PAX3: variants seen among roughly 807,000 people sequenced by gnomAD.
The protein encoded by PAX3 is paired box protein Pax-3.
Under a neutral mutation model 51.6 loss-of-function variants are expected in PAX3, and 14 were observed. The ratio of observed to expected loss-of-function variants is 0.27; its 90% confidence interval spans 0.18 to 0.42. PAX3 has a LOEUF of 0.42. Among genes scored for constraint, PAX3 ranks in the 10% least tolerant of loss-of-function variants. PAX3 has a pLI of 1.00. For missense variants in PAX3, 540 were observed against 642.8 expected (o/e 0.84, Z 1.73); for synonymous variants, 280 against 253.4 (o/e 1.11, Z -1.00).
chr2:222,225,986 A>C (rs1212555355), intron 5 of PAX3, among the ~76,000 whole-genome samples: 5 of 152,200 alleles, frequency 3.3e-5, no homozygotes, highest in African/African-American at 4.8e-5. Context: ...ATTTGCTTCC[A>C]AGTTTCATGG....
At chr2:222,209,298 T>A (rs2106048017) in intron 7 of PAX3, among the ~76,000 whole-genome samples, 1 of 152,298 alleles carries the variant, frequency 6.6e-6, no homozygotes, top group African/African-American at 2.4e-5. Flanking sequence ...ATGAAATGTC[T>A]GAAGACTACA....
At chr2:222,257,848 C>A (rs370826696) in intron 4 of PAX3, among the ~76,000 whole-genome samples, 1 of 152,228 alleles carries the variant, frequency 6.6e-6, no homozygotes, top group Non-Finnish European at 1.5e-5. Context: ...GTCACCCCCA[C>A]GCTGCTGACT....
At chr2:222,228,130 C>G (rs1692452823) in intron 5 of PAX3, among the ~76,000 whole-genome samples, 1 of 152,154 alleles carries the variant, frequency 6.6e-6, no homozygotes, top group Non-Finnish European at 1.5e-5. Context: ...CAGTGATTAA[C>G]TACTCCCTTC....
At chr2:222,243,272 T>C (rs1433999585) in intron 4 of PAX3, among the ~76,000 whole-genome samples, 1 of 152,182 alleles carries the variant, frequency 6.6e-6, no homozygotes, top group Non-Finnish European at 1.5e-5. Context: ...GACAAAGCAT[T>C]TACAAAATTG....
In PAX3 at chr2:222,249,892, A is replaced by G. The variant is rs183540172; in HGVS notation, c.587-17609T>C. Among the ~76,000 whole-genome samples, 15 of 152,250 alleles carry G rather than the reference A, an allele frequency of 9.9e-5. No individual in the cohort carries two copies. In the East Asian group the frequency reaches 2.7e-3, roughly 27 times the overall value. On this transcript the variant is annotated intron_variant, in intron 4 of 8. Transcript: ENST00000392070. ...CCAAATAGCAGGAACAATCAAGTCA[A>G]TCAATATTCATGCTTATAAGCTACC...
At position 222,201,305 on chromosome 2, in the gene PAX3, C is replaced by T. The variant is rs949381555; in HGVS notation, c.*103G>A. ...TATTGGGACCACTGCCCCACCCCCC[C>T]CAACAAAAGGGTAATTTTTTTTTGT... On this transcript the variant is annotated 3_prime_UTR_variant, in exon 9 of 9. Transcript: ENST00000392070. The T allele has an allele frequency of 5.0e-6, 8 of 1,613,014 alleles. No individual in the cohort carries two copies. The highest frequency in any genetic ancestry group is 5.1e-6 in the Non-Finnish European group (6 of 1,179,740).
Position 222,298,550 on chromosome 2 carries a change from A to G in PAX3, c.66T>C (p.Arg22=), listed in dbSNP as rs775889788. 6.2e-7 allele frequency: 1 copy of G among 1,606,038 alleles called. No homozygotes were observed. Among genetic ancestry groups the G allele is most frequent in the South Asian group, 1.1e-5 (1 of 89,682 alleles). Reference sequence around the variant, plus strand: ...CCTTACCTTCCAGCGGGAACCCGCTACGCGGGTAGTTCTGCCCCGGGCCCG... The same window carrying G: ...CCTTACCTTCCAGCGGGAACCCGCTGCGCGGGTAGTTCTGCCCCGGGCCCG... ...MRPGPGQNYP[R]SGFPLEVSTP... is the part of the protein sequence containing the mutation. Residue 22 remains arginine (R), a synonymous_variant, in exon 1 of 9, where the codon CGT becomes CGC. Transcript: ENST00000392070.
intron 4 of PAX3, among the ~76,000 whole-genome samples, chr2:222,238,611 G>T (rs1692887996): frequency 6.6e-6 from 1 of 152,174 alleles, no homozygotes; most frequent in African/African-American, 2.4e-5. Flanking sequence ...GAGGTGGAGG[G>T]ATCTCTGGAG....
intron 4 of PAX3, among the ~76,000 whole-genome samples, chr2:222,285,707 A>G (rs993766370): frequency 6.6e-6 from 1 of 152,226 alleles, no homozygotes; most frequent in Non-Finnish European, 1.5e-5. Context: ...CCAACCATTA[A>G]CACAAGACCA....
At chr2:222,273,864 C>G (rs980372713) in intron 4 of PAX3, among the ~76,000 whole-genome samples, 6 of 151,970 alleles carry the variant, frequency 3.9e-5, no homozygotes, top group Non-Finnish European at 7.4e-5. Context: ...ATGGCAAATT[C>G]GGTGCTGTAA....
chr2:222,224,415 T>G (rs140897296), intron 5 of PAX3, among the ~76,000 whole-genome samples: 1 of 152,312 alleles, frequency 6.6e-6, no homozygotes, highest in African/African-American at 2.4e-5. Flanking sequence ...AACCTGATTT[T>G]TTATCATCTT....
intron 4 of PAX3, among the ~76,000 whole-genome samples, chr2:222,283,570 A>G (rs1365437281): frequency 6.6e-6 from 1 of 152,196 alleles, no homozygotes; most frequent in Admixed American, 6.5e-5. Context: ...CAAGAGTGCA[A>G]TCTTCAGAAT....
Position 222,201,034 on chromosome 2 carries a change from TACACACACAC to T in PAX3, c.*364_*373del. The T allele has an allele frequency of 1.2e-6, 1 of 800,438 alleles. No homozygotes were observed. The allele number at this position is 800,438 out of a possible 1,614,324, so 49.6% of individuals were successfully genotyped here. ...CCAAACCAGTCTGGGTAAATCTCAA[TACACACACAC>T]ACACACACACGCACGCACGCACACA... On this transcript the variant is annotated 3_prime_UTR_variant, in exon 9 of 9. Coordinates refer to ENST00000392070, the MANE Select transcript of PAX3 (RefSeq NM_181458.4).
chr2:222,298,886 T>G lies in PAX3; in HGVS notation c.-271A>C. The G allele has an allele frequency of 1.8e-6, 1 of 544,622 alleles. No individual in the cohort carries two copies. The allele number at this position is 544,622 out of a possible 1,614,324, so 33.7% of individuals were successfully genotyped here. ...GTTTGGTACGAGTCTGGGCAAATGT[T>G]CCAGCGACTGGGGTCCCTGAAAAGG... is the stretch of plus-strand genomic sequence containing the variant. On this transcript the variant is annotated 5_prime_UTR_variant, in exon 1 of 9. Coordinates refer to ENST00000392070, the MANE Select transcript of PAX3 (RefSeq NM_181458.4).
At chr2:222,274,250 C>T (rs1487615625) in intron 4 of PAX3, among the ~76,000 whole-genome samples, 1 of 152,098 alleles carries the variant, frequency 6.6e-6, no homozygotes, top group Non-Finnish European at 1.5e-5. Flanking sequence ...TTTTGACAAA[C>T]TATATATTTG....
At chr2:222,289,999 C>A (rs1050176230) in intron 4 of PAX3, among the ~76,000 whole-genome samples, 21 of 152,268 alleles carry the variant, frequency 1.4e-4, no homozygotes, top group Admixed American at 1.3e-3. Flanking sequence ...ATGCCATAAA[C>A]CTATGATCTT....
Position 222,298,601 on chromosome 2 carries a change from G to A in PAX3, c.15C>T (p.Ala5=). 3.1e-6 allele frequency: 5 copies of A among 1,606,518 alleles called. No individual in the cohort carries two copies. The highest frequency in any genetic ancestry group is 2.2e-5 in the East Asian group (1 of 44,536). Residue 5 remains alanine, a synonymous_variant, in exon 1 of 9, where the codon GCC becomes GCT. Coordinates refer to ENST00000392070, the MANE Select transcript of PAX3 (RefSeq NM_181458.4). ...GCCGCATCATCCTGGGCACAGCGCC[G>A]GCCAGCGTGGTCATCCTGGGGGCAG... MTTL[A]GAVPRMMRPG...
intron 4 of PAX3, among the ~76,000 whole-genome samples, chr2:222,269,297 C>T (rs1045956925): frequency 1.3e-5 from 2 of 152,170 alleles, no homozygotes; most frequent in Non-Finnish European, 2.9e-5. Context: ...CCATCAGAGG[C>T]CCAGGTTCGT....
rs879255434 is a variant in PAX3 at position 222,220,345 on chromosome 2, T to C, written c.968A>G (p.Asp323Gly). 2 of 1,613,904 alleles carry C rather than the reference T, an allele frequency of 1.2e-6. No homozygotes were observed. Among genetic ancestry groups the C allele is most frequent in the Non-Finnish European group, 8.5e-7 (1 of 1,179,824 alleles). ...QPTSIPQAVS[D>G]PSSTVHRPQP... ...AGGTCTGTGAACGGTGCTGCTGGGA[T>C]CTGACACAGCTGAAATGAAAAAGAT... The change falls in exon 7 of 9, where the codon GAT (aspartate) becomes GGT (glycine). Residue 323 changes from aspartate (D) to glycine (G), a missense_variant. Coordinates refer to ENST00000392070, the MANE Select transcript of PAX3 (RefSeq NM_181458.4).
Sources: gnomAD v4.1 joint callset for allele counts (sites outside exome capture counted in the v4.1 genomes callset) on GRCh38, gnomAD v4.1.1 for gene constraint, MANE v1.5 for transcripts, NCBI Gene and HGNC (gene_info 2026-07-23, HGNC 2026-07-21) for gene names.